The following ERC1 variants were observed in gnomAD, a reference collection of about 807,000 sequenced individuals.
The protein encoded by ERC1 is ELKS/RAB6-interacting/CAST family member 1.
Under a neutral mutation model 132.0 loss-of-function variants are expected in ERC1, and 56 were observed. The observed-to-expected ratio is 0.42, with a 90% CI of 0.34 to 0.53. The LOEUF (loss-of-function observed/expected upper bound fraction) is 0.53. ERC1 is among the 20% of genes least tolerant of loss of function. The pLI, the probability that ERC1 is intolerant of heterozygous loss-of-function variation, is 0.03. For synonymous variants in ERC1, 478 were observed against 476.1 expected, an observed-to-expected ratio of 1.00 and a Z score of -0.05; for missense variants, 1,202 against 1,349.9, an observed-to-expected ratio of 0.89 and a Z score of 1.72.
At chr12:1,253,799 G>A (rs1160463582) in intron 13 of ERC1, among the ~76,000 whole-genome samples, 1 of 152,190 alleles carries the variant, frequency 6.6e-6, no homozygotes, top group South Asian at 2.1e-4. Flanking sequence ...TATCATGGGA[G>A]TTGCTATAGA....
intron 7 of ERC1, among the ~76,000 whole-genome samples, chr12:1,121,154 A>G (rs930125323): frequency 5.3e-5 from 8 of 152,240 alleles, no homozygotes; most frequent in Non-Finnish European, 1.2e-4. Flanking sequence ...AACATTTTAC[A>G]GATGGGGAGT....
At chr12:1,277,722 C>CT (rs2078374520) in intron 14 of ERC1, among the ~76,000 whole-genome samples, 1 of 152,098 alleles carries the variant, frequency 6.6e-6, no homozygotes, top group Non-Finnish European at 1.5e-5. Flanking sequence ...AAGCAGTTTA[C>CT]TGGTTTCTGC....
intron 3 of ERC1, among the ~76,000 whole-genome samples, chr12:1,100,089 C>T (rs2154197088): frequency 6.6e-6 from 1 of 152,034 alleles, no homozygotes; most frequent in South Asian, 2.1e-4. Flanking sequence ...ACCTCGTGAT[C>T]CACCCGCCTC....
intron 3 of ERC1, among the ~76,000 whole-genome samples, chr12:1,099,737 G>GA (rs1391725520): frequency 6.8e-6 from 1 of 147,832 alleles, no homozygotes; most frequent in Non-Finnish European, 1.5e-5. Context: ...TAAATACCAA[G>GA]AAAAAAGTAG....
intron 16 of ERC1, among the ~76,000 whole-genome samples, chr12:1,402,501 T>C (rs1255182333): frequency 4.2e-4 from 64 of 151,488 alleles, no homozygotes; most frequent in African/African-American, 1.5e-3. Flanking sequence ...CCAGCCTGGG[T>C]GACAGAGAGA....
chr12:1,382,818 T>C (rs761619161), intron 16 of ERC1, among the ~76,000 whole-genome samples: 3 of 152,164 alleles, frequency 2.0e-5, no homozygotes, highest in Non-Finnish European at 4.4e-5. Context: ...TATGAAAGTA[T>C]TATTTTATTA....
chr12:1,159,312 A>T (rs1199148518), intron 8 of ERC1, among the ~76,000 whole-genome samples: 1 of 151,784 alleles, frequency 6.6e-6, no homozygotes. Flanking sequence ...TTAGGATCTC[A>T]TAAGAAACAT....
chr12:1,009,961 C>T (rs1165716446), intron 1 of ERC1, among the ~76,000 whole-genome samples: 1 of 152,150 alleles, frequency 6.6e-6, no homozygotes, highest in African/African-American at 2.4e-5. Context: ...GATGGTATAA[C>T]TCCTTTTTTC....
At chr12:1,079,106 G>A (rs1392054488) in intron 2 of ERC1, among the ~76,000 whole-genome samples, 5 of 147,234 alleles carry the variant, frequency 3.4e-5, no homozygotes, top group African/African-American at 7.5e-5. Flanking sequence ...GACAAAAGTC[G>A]ATATACAGAG....
chr12:1,220,512 G>A (rs947966694), intron 12 of ERC1, among the ~76,000 whole-genome samples: 2 of 152,118 alleles, frequency 1.3e-5, no homozygotes, highest in African/African-American at 4.8e-5. Context: ...TGTTTATTAG[G>A]TTACTGTTAT....
intron 8 of ERC1, among the ~76,000 whole-genome samples, chr12:1,179,609 G>A (rs931635959): frequency 2.1e-5 from 3 of 143,318 alleles, no homozygotes; most frequent in Non-Finnish European, 4.5e-5. Flanking sequence ...CCGGGTTCAC[G>A]CCATTCTCCT....
intron 8 of ERC1, among the ~76,000 whole-genome samples, chr12:1,162,555 G>C (rs1951982786): frequency 6.6e-6 from 1 of 151,612 alleles, no homozygotes; most frequent in Non-Finnish European, 1.5e-5. Context: ...AGGTCAGAAA[G>C]AATAGGTCCT....
intron 16 of ERC1, among the ~76,000 whole-genome samples, chr12:1,394,041 A>C (rs2063052027): frequency 2.5e-5 from 2 of 78,946 alleles, no homozygotes; most frequent in African/African-American, 1.0e-4. Context: ...AAACAAAAAA[A>C]AAACCACAAA....
chr12:1,177,578 G>A (rs545925313), intron 8 of ERC1, among the ~76,000 whole-genome samples: 3 of 152,158 alleles, frequency 2.0e-5, no homozygotes, highest in Admixed American at 6.5e-5. Flanking sequence ...CAGAACACAT[G>A]CAACATTTCT....
At chr12:1,417,957 A>G (rs959134392) in intron 17 of ERC1, among the ~76,000 whole-genome samples, 2 of 152,206 alleles carry the variant, frequency 1.3e-5, no homozygotes, top group East Asian at 3.9e-4. Flanking sequence ...TGAAACCAAT[A>G]TAACAATCCT....
rs139952090 is a variant in ERC1, at chr12:1,360,248, G to A, written c.2781-11585G>A. On this transcript the variant is annotated intron_variant, in intron 15 of 18. Transcript: ENST00000360905. ...TAAAGAAGCTTAGAATATAAACAGG[G>A]ATCTGGATGTCATTCAGCAGAAGTG... Among the ~76,000 whole-genome samples the A allele has an allele frequency of 2.0e-5, 3 of 152,268 alleles. No homozygotes were observed. The East Asian group carries it at 5.8e-4, about 29-fold the overall frequency.
At chr12:1,370,159 A>C (rs1383429053) in intron 15 of ERC1, among the ~76,000 whole-genome samples, 1 of 152,250 alleles carries the variant, frequency 6.6e-6, no homozygotes, top group Non-Finnish European at 1.5e-5. Flanking sequence ...TCTTTCATAA[A>C]AGATGAGCTA....
intron 2 of ERC1, among the ~76,000 whole-genome samples, chr12:1,037,270 T>TC (rs969423921): frequency 3.3e-5 from 5 of 152,240 alleles, no homozygotes; most frequent in African/African-American, 9.6e-5. Flanking sequence ...GTGTAGTGTG[T>TC]GATCTCATCT....
At chr12:1,462,871 T>C (rs1031868734) in intron 18 of ERC1, among the ~76,000 whole-genome samples, 4 of 152,216 alleles carry the variant, frequency 2.6e-5, no homozygotes, top group African/African-American at 9.6e-5. Context: ...TTTGAAGTAG[T>C]ACAACTGATA....
Sources: allele counts gnomAD v4.1 joint callset (sites outside exome capture counted in the v4.1 genomes callset), GRCh38; gene constraint gnomAD v4.1.1; transcripts MANE v1.5; gene names NCBI Gene and HGNC (gene_info 2026-07-23, HGNC 2026-07-21).